UBE2J1: variants seen among roughly 807,000 people sequenced by gnomAD.
UBE2J1 encodes ubiquitin conjugating enzyme E2 J1.
In UBE2J1, 17 loss-of-function variants were observed where a neutral mutation model predicts 42.1. The observed-to-expected ratio is 0.40, with a 90% confidence interval of 0.28 to 0.61. The LOEUF is 0.61. UBE2J1 is among the 20% of genes least tolerant of loss of function. The pLI is 0.38. For synonymous variants in UBE2J1, 127 were observed against 137.2 expected (o/e 0.93, Z 0.52); for missense variants, 291 against 389.4 (o/e 0.75, Z 2.13).
Position 89,343,675 on chromosome 6 carries a change from AAACT to A in UBE2J1, c.105+4_105+7del, listed in dbSNP as rs1582486713. ...ATCCATATGAAGAACATGGAGATAGAAACTAACCTCTAAAGGCTGCGCATGGTAA... is the reference window on the plus strand; with the variant it reads ...ATCCATATGAAGAACATGGAGATAGAAACCTCTAAAGGCTGCGCATGGTAA... On this transcript the variant is annotated splice_donor_5th_base_variant and intron_variant, in intron 2 of 7. Coordinates refer to ENST00000435041, the MANE Select transcript of UBE2J1 (RefSeq NM_016021.3). 1 of 1,587,070 alleles carries A rather than the reference AAACT, an allele frequency of 6.3e-7. No individual in the cohort carries two copies. The highest frequency in any genetic ancestry group is 2.2e-5 in the East Asian group (1 of 44,470).
intron 4 of UBE2J1, 68 bp from the exon 5 acceptor site, chr6:89,338,378 G>GA (rs1350449275): frequency 2.0e-5 from 32 of 1,567,302 alleles, no homozygotes; most frequent in Admixed American, 3.6e-5. Flanking sequence ...TCTGGAAAAA[G>GA]AAAAAATCAG....
Position 89,328,400 on chromosome 6 carries a change from C to T in UBE2J1, c.*1279G>A, listed in dbSNP as rs757360890. On this transcript the variant is annotated 3_prime_UTR_variant, in exon 8 of 8. Coordinates refer to ENST00000435041, the MANE Select transcript of UBE2J1 (RefSeq NM_016021.3). ...CCGATCTAGAACCTAAATACCACTT[C>T]CAACATTGTTTGACTTGTAAAAAAA... The T allele has an allele frequency of 5.9e-5, 9 of 152,194 alleles. No individual in the cohort carries two copies. Among genetic ancestry groups the T allele is most frequent in the Non-Finnish European group, 1.3e-4 (9 of 68,034 alleles). The allele number at this position is 152,194 out of a possible 1,614,324, so 9.4% of individuals were successfully genotyped here. A position where few individuals can be genotyped will look rare whatever the true frequency, so the allele number is the denominator to read the frequency against.
Position 89,335,400 on chromosome 6 carries a change from A to G in UBE2J1, c.460T>C (p.Ser154Pro), listed in dbSNP as rs1768089026. The change falls in exon 6 of 8, where the codon TCT becomes CCT. Residue 154 changes from serine (S) to proline (P), a missense_variant. Physicochemically the swap from Ser to Pro is moderately conservative, Grantham distance 74. This residue lies in a region of UBE2J1 where 115 missense variants were observed against 193.1 expected (regional missense o/e 0.60). Transcript: ENST00000435041. ...GGCAACAGGACATCCTTCATGGCAG[A>G]GCCACATCCTTCACAACAGAAATCT... ...SQDFCCEGCG[S>P]AMKDVLLPLK... The G allele has an allele frequency of 6.3e-7, 1 of 1,595,088 alleles. No individual in the cohort carries two copies. The highest frequency in any genetic ancestry group is 1.3e-5 in the African/African-American group (1 of 74,474).
In UBE2J1 at chr6:89,352,704, C is replaced by G; in HGVS notation, c.-135G>C. ...CCTCGGCAAATGCCGCCCAGTCCAGCCTGGACTGCGGGCGGGGTGGCAAGG... is the reference window on the plus strand; with the variant it reads ...CCTCGGCAAATGCCGCCCAGTCCAGGCTGGACTGCGGGCGGGGTGGCAAGG... On this transcript the variant is annotated 5_prime_UTR_variant, in exon 1 of 8. Transcript: ENST00000435041. The G allele has an allele frequency of 2.0e-6, 2 of 992,494 alleles. No individual in the cohort carries two copies. The highest frequency in any genetic ancestry group is 2.7e-6 in the Non-Finnish European group (2 of 733,128). 61.5% of individuals were successfully genotyped at this position (992,494 alleles called of 1,614,324 possible). A position where few individuals can be genotyped will look rare whatever the true frequency, so the allele number is the denominator to read the frequency against.
At chr6:89,342,478 A>G (rs745576530) in intron 2 of UBE2J1, 23 bp from the exon 3 acceptor site, 2 of 1,573,336 alleles carry the variant, frequency 1.3e-6, no homozygotes, top group Non-Finnish European at 1.7e-6. Context: ...AATAATCCAC[A>G]AGGAATTAAT....
Position 89,333,100 on chromosome 6 carries a change from T to C in UBE2J1, c.664A>G (p.Thr222Ala), listed in dbSNP as rs1768040244. The C allele has an allele frequency of 6.2e-7, 1 of 1,611,590 alleles. No individual in the cohort carries two copies. Among genetic ancestry groups the C allele is most frequent in the Admixed American group, 1.7e-5 (1 of 59,724 alleles). ...DDIPTTFQGA[T>A]ASTSYGLQNS... ...AAGAGCCATACCGATGTACTGGCCG[T>C]AGCACCCTGGAATGTTGTAGGTATA... The change falls in exon 7 of 8, where the codon ACG becomes GCG. Residue 222 changes from threonine (T) to alanine (A), a missense_variant. Coordinates refer to ENST00000435041, the MANE Select transcript of UBE2J1 (RefSeq NM_016021.3).
At chr6:89,338,949 G>T (rs1022169468) in intron 3 of UBE2J1, among the ~76,000 whole-genome samples, 5 of 152,024 alleles carry the variant, frequency 3.3e-5, no homozygotes, top group South Asian at 4.2e-4. Flanking sequence ...ACAGGCATGA[G>T]CCACCGCGCC....
chr6:89,350,133 C>A (rs1443880116), intron 1 of UBE2J1, among the ~76,000 whole-genome samples: 1 of 149,802 alleles, frequency 6.7e-6, no homozygotes, highest in Non-Finnish European at 1.5e-5. Context: ...AAGTCCATTC[C>A]AAAAAAAAAC....
intron 2 of UBE2J1, 109 bp downstream of exon 2, chr6:89,343,574 C>T (rs1051871973): frequency 1.6e-6 from 1 of 614,162 alleles, no homozygotes; most frequent in African/African-American, 1.9e-5. Flanking sequence ...AATAAAACGT[C>T]AAACTACATC....
chr6:89,350,677 C>A (rs1480741966), intron 1 of UBE2J1, among the ~76,000 whole-genome samples: 1 of 151,962 alleles, frequency 6.6e-6, no homozygotes, highest in Non-Finnish European at 1.5e-5. Flanking sequence ...AGCATGTCAA[C>A]CAAAGCTCAA....
chr6:89,341,136 A>G (rs1699750950), intron 3 of UBE2J1, among the ~76,000 whole-genome samples: 1 of 152,194 alleles, frequency 6.6e-6, no homozygotes, highest in Admixed American at 6.5e-5. Context: ...TGTGGGTAAG[A>G]TGTTTAACTG....
Position 89,329,444 on chromosome 6 carries a change from C to A in UBE2J1, c.*235G>T. On this transcript the variant is annotated 3_prime_UTR_variant, in exon 8 of 8. Transcript: ENST00000435041. ...TGAGAAAAAACAAGTTATTTCCCTG[C>A]AAAGCAGATCAAATAGTGAGACAAG... 2.0e-6 allele frequency: 1 copy of A among 503,850 alleles called. No homozygotes were observed. The highest frequency in any genetic ancestry group is 2.6e-5 in the South Asian group (1 of 37,736). The allele number at this position is 503,850 out of a possible 1,614,324, so 31.2% of individuals were successfully genotyped here. A position where few individuals can be genotyped will look rare whatever the true frequency, so the allele number is the denominator to read the frequency against.
chr6:89,332,211 C>CA lies in UBE2J1; in HGVS notation c.678+874dup, dbSNP rs1025608996. ...CTTCAATAAACTGGAGAAACAACAA[C>CA]AAAAAAAATGTGACTACTTAACCAA... On this transcript the variant is annotated intron_variant, in intron 7 of 7. Coordinates refer to ENST00000435041, the MANE Select transcript of UBE2J1 (RefSeq NM_016021.3). Among the ~76,000 whole-genome samples the CA allele has an allele frequency of 6.6e-5, 10 of 151,880 alleles. 1 individual carries two copies. The highest frequency in any genetic ancestry group is 1.9e-4 in the African/African-American group (8 of 41,478).
intron 2 of UBE2J1, among the ~76,000 whole-genome samples, chr6:89,343,208 G>C (rs555064545): frequency 6.6e-6 from 1 of 152,046 alleles, no homozygotes; most frequent in Non-Finnish European, 1.5e-5. Context: ...AGGCCAAGGC[G>C]GGTGGATCAC....
At chr6:89,352,415 C>A (rs1414167463) in intron 1 of UBE2J1, 124 bp downstream of exon 1, 4 of 1,144,090 alleles carry the variant, frequency 3.5e-6, no homozygotes, top group African/African-American at 1.6e-5. Context: ...GGCGGTCTCG[C>A]GTAGAGCGCG....
At chr6:89,337,162 T>A (rs1768122972) in intron 5 of UBE2J1, among the ~76,000 whole-genome samples, 1 of 152,012 alleles carries the variant, frequency 6.6e-6, no homozygotes, top group African/African-American at 2.4e-5. Context: ...TTTAAAAGGT[T>A]TCTATTATAG....
Position 89,352,714 on chromosome 6 carries a change from G to T in UBE2J1, c.-145C>A. 1.1e-6 allele frequency: 1 copy of T among 893,792 alleles called. No individual in the cohort carries two copies. Among genetic ancestry groups the T allele is most frequent in the South Asian group, 2.3e-5 (1 of 43,398 alleles). The allele number at this position is 893,792 out of a possible 1,614,324, so 55.4% of individuals were successfully genotyped here. On this transcript the variant is annotated 5_prime_UTR_variant, in exon 1 of 8. Coordinates refer to ENST00000435041, the MANE Select transcript of UBE2J1 (RefSeq NM_016021.3). ...TGCCGCCCAGTCCAGCCTGGACTGC[G>T]GGCGGGGTGGCAAGGCTGAGTGCGG...
intron 5 of UBE2J1, among the ~76,000 whole-genome samples, chr6:89,337,642 A>G (rs1313890482): frequency 1.3e-5 from 2 of 152,198 alleles, no homozygotes; most frequent in Admixed American, 6.5e-5. Flanking sequence ...GAATGGAAGG[A>G]CTGATCTTGG....
rs367783141 is a variant in UBE2J1, at chr6:89,352,517, C to G, written c.31+22G>C. ...CCAGGGTCACTCCGCCCTCCTCGCC[C>G]AGGGGCCCCAGCCCTGCTCACCCGG... On this transcript the variant is annotated intron_variant, in intron 1 of 7. Transcript: ENST00000435041. 42 of 1,564,316 alleles carry G rather than the reference C, an allele frequency of 2.7e-5. No homozygotes were observed. The African/African-American group carries it at 4.9e-4, about 18-fold the overall frequency.
Sources: gnomAD v4.1 joint callset for allele counts (sites outside exome capture counted in the v4.1 genomes callset) on GRCh38, gnomAD v4.1.1 for gene constraint, gnomAD v4.1.1 regional missense constraint, MANE v1.5 for transcripts, NCBI Gene and HGNC (gene_info 2026-07-23, HGNC 2026-07-21) for gene names.